Variants in IMMP2L observed in about 807,000 individuals in gnomAD.
IMMP2L encodes the protein inner mitochondrial membrane peptidase subunit 2.
Under a neutral mutation model 19.3 loss-of-function variants are expected in IMMP2L, and 18 were observed. That is an observed-to-expected ratio of 0.93 (90% confidence interval 0.64 to 1.38). The LOEUF (loss-of-function observed/expected upper bound fraction) is 1.38, where lower values mean the gene tolerates loss of function less well. Ranked by LOEUF, IMMP2L falls within the 40% of genes most tolerant of loss-of-function variation. The pLI, the probability that IMMP2L is intolerant of heterozygous loss-of-function variation, is 0.00. For missense variants in IMMP2L, 233 were observed against 218.2 expected, an observed-to-expected ratio of 1.07 and a Z score of -0.43; for synonymous variants, 76 against 73.0, an observed-to-expected ratio of 1.04 and a Z score of -0.21.
At chr7:111,444,625 ACTGCTACAT>A (rs1838113895) in intron 3 of IMMP2L, among the ~76,000 whole-genome samples, 1 of 152,076 alleles carries the variant, frequency 6.6e-6, no homozygotes, top group South Asian at 2.1e-4. Context: ...CATCGCTTCT[ACTGCTACAT>A]CTTTATCAAG....
At chr7:111,155,943 T>C (rs1260474354) in intron 3 of IMMP2L, among the ~76,000 whole-genome samples, 1 of 152,098 alleles carries the variant, frequency 6.6e-6, no homozygotes, top group African/African-American at 2.4e-5. Context: ...TTGGAACTCA[T>C]AGAGATGAAA....
At chr7:110,906,207 C>T (rs888420246) in intron 4 of IMMP2L, among the ~76,000 whole-genome samples, 2 of 152,150 alleles carry the variant, frequency 1.3e-5, no homozygotes, top group African/African-American at 4.8e-5. Flanking sequence ...TTTAATTACA[C>T]TAGATTGCTA....
At chr7:111,477,354 C>A (rs548457073) in intron 3 of IMMP2L, among the ~76,000 whole-genome samples, 1 of 152,076 alleles carries the variant, frequency 6.6e-6, no homozygotes, top group African/African-American at 2.4e-5. Context: ...AAATTCTTAA[C>A]CCTTTGAATT....
At chr7:110,703,029 T>G (rs182889958) in intron 5 of IMMP2L, among the ~76,000 whole-genome samples, 1 of 152,312 alleles carries the variant, frequency 6.6e-6, no homozygotes, top group Admixed American at 6.5e-5. Context: ...ATGAAGTCCT[T>G]TATAATTTAT....
At chr7:111,397,343 G>C (rs936236258) in intron 3 of IMMP2L, among the ~76,000 whole-genome samples, 2 of 152,088 alleles carry the variant, frequency 1.3e-5, no homozygotes, top group Admixed American at 6.6e-5. Context: ...TCCATCATTT[G>C]TAAATATTGT....
intron 3 of IMMP2L, among the ~76,000 whole-genome samples, chr7:111,270,604 A>C (rs1818353924): frequency 6.6e-6 from 1 of 152,156 alleles, no homozygotes; most frequent in African/African-American, 2.4e-5. Flanking sequence ...TAGCTGTCAA[A>C]ACCAACTTTA....
intron 3 of IMMP2L, among the ~76,000 whole-genome samples, chr7:111,091,675 C>T (rs752608538): frequency 1.3e-5 from 2 of 152,076 alleles, no homozygotes; most frequent in Non-Finnish European, 2.9e-5. Flanking sequence ...ACCCAGCTGG[C>T]TCTGTGTGTG....
intron 4 of IMMP2L, among the ~76,000 whole-genome samples, chr7:110,943,751 G>A (rs1326764942): frequency 6.6e-6 from 1 of 151,990 alleles, no homozygotes; most frequent in African/African-American, 2.4e-5. Context: ...GTTAGTCTAA[G>A]CTGACTGACA....
chr7:111,086,787 A>G (rs1199669590), intron 3 of IMMP2L, among the ~76,000 whole-genome samples: 1 of 152,214 alleles, frequency 6.6e-6, no homozygotes, highest in African/African-American at 2.4e-5. Flanking sequence ...TAGGCACTGC[A>G]TTTCTTCAGA....
At chr7:110,822,021 T>C (rs1277315814) in intron 5 of IMMP2L, among the ~76,000 whole-genome samples, 1 of 152,098 alleles carries the variant, frequency 6.6e-6, no homozygotes, top group African/African-American at 2.4e-5. Context: ...CAACTGAATG[T>C]TTAGCACTCT....
chr7:110,850,114 T>C (rs552715501), intron 5 of IMMP2L, among the ~76,000 whole-genome samples: 3 of 151,910 alleles, frequency 2.0e-5, no homozygotes, highest in East Asian at 3.9e-4. Flanking sequence ...AGTCAGAAAA[T>C]ATAATGCATA....
chr7:110,695,974 C>T (rs892487264), intron 5 of IMMP2L, among the ~76,000 whole-genome samples: 1 of 152,158 alleles, frequency 6.6e-6, no homozygotes, highest in Non-Finnish European at 1.5e-5. Flanking sequence ...GGCCTTTTGC[C>T]ATGATAGAGG....
rs566577238 is a variant in IMMP2L at position 111,006,127 on chromosome 7, C to A, written c.240-42562G>T. 2.5e-4 allele frequency among the ~76,000 whole-genome samples: 38 copies of A among 152,158 alleles called. 1 individual carries two copies. The South Asian group carries it at 6.0e-3, about 24-fold the overall frequency. On this transcript the variant is annotated intron_variant, in intron 3 of 5. Coordinates refer to ENST00000405709, the MANE Select transcript of IMMP2L (RefSeq NM_032549.4). ...GTAAATTATGCTTACATCTCCCATG[C>A]GGTTTAGGAAAGACTTAATTGTCAC...
chr7:111,544,572 A>C (rs1848753950), intron 1 of IMMP2L, among the ~76,000 whole-genome samples: 1 of 152,166 alleles, frequency 6.6e-6, no homozygotes, highest in African/African-American at 2.4e-5. Flanking sequence ...CAATGAATTT[A>C]TATGTACACA....
chr7:111,035,588 G>A (rs929881672), intron 3 of IMMP2L, among the ~76,000 whole-genome samples: 19 of 152,224 alleles, frequency 1.2e-4, no homozygotes, highest in African/African-American at 4.3e-4. Context: ...TATACATGCT[G>A]ACATATACCA....
chr7:111,071,119 A>T, intron 3 of IMMP2L, among the ~76,000 whole-genome samples: 1 of 152,170 alleles, frequency 6.6e-6, no homozygotes, highest in East Asian at 1.9e-4. Flanking sequence ...CATGAAAAAA[A>T]TTTTCAACAT....
chr7:111,312,545 C>T lies in IMMP2L; in HGVS notation c.239+174693G>A, dbSNP rs144491563. On this transcript the variant is annotated intron_variant, in intron 3 of 5. Transcript: ENST00000405709. ...GACTATCCTTGAACTGAGAGAAGTC[C>T]TGAACCCATAATTTCCTTTCTATAA... is the stretch of plus-strand genomic sequence containing the variant. Among the ~76,000 whole-genome samples the T allele has an allele frequency of 2.5e-3, 383 of 152,202 alleles. 2 individuals carry two copies. Among genetic ancestry groups the T allele is most frequent in the African/African-American group, 8.7e-3 (363 of 41,532 alleles).
intron 5 of IMMP2L, among the ~76,000 whole-genome samples, chr7:110,736,611 A>T (rs1796654504): frequency 6.8e-6 from 1 of 148,092 alleles, no homozygotes; most frequent in Non-Finnish European, 1.5e-5. Context: ...AGAGTCAAAG[A>T]TCATTCTCAA....
chr7:111,282,755 TG>T (rs1293784542), intron 3 of IMMP2L, among the ~76,000 whole-genome samples: 1 of 152,138 alleles, frequency 6.6e-6, no homozygotes, highest in African/African-American at 2.4e-5. Flanking sequence ...AGCTAATTTT[TG>T]TGTGTTTTAT....
Sources: gnomAD v4.1 joint callset for allele counts (sites outside exome capture counted in the v4.1 genomes callset) on GRCh38, gnomAD v4.1.1 for gene constraint, MANE v1.5 for transcripts, NCBI Gene and HGNC (gene_info 2026-07-23, HGNC 2026-07-21) for gene names.